Variants in KIAA1671 observed in about 807,000 individuals in gnomAD.
The protein encoded by KIAA1671 is uncharacterized protein KIAA1671.
KIAA1671 carries 52 observed loss-of-function variants against 131.2 expected under a neutral mutation model. The ratio of observed to expected loss-of-function variants is 0.40; its 90% CI spans 0.32 to 0.50. KIAA1671 has a LOEUF of 0.50. Among genes scored for constraint, KIAA1671 ranks in the 20% least tolerant of loss-of-function variants. KIAA1671 has a pLI of 0.73. For missense variants in KIAA1671, 2,360 were observed against 2,364.2 expected (o/e 1.00, Z 0.04); for synonymous variants, 1,003 against 961.6 (o/e 1.04, Z -0.80).
intron 6 of KIAA1671, chr22:25,061,491 C>T (rs1389347414): frequency 6.6e-6 from 1 of 152,254 alleles, no homozygotes; most frequent in Admixed American, 6.5e-5. Context: ...ATGCTTCACA[C>T]TTTATCCTCA....
rs555321285 is a variant in KIAA1671, at chr22:25,134,418, C to A, written c.4531-36402C>A. Among the ~76,000 whole-genome samples the A allele has an allele frequency of 7.8e-4, 118 of 152,226 alleles. 2 individuals carry two copies. The highest frequency in any genetic ancestry group is 3.4e-3 in the Middle Eastern group (1 of 294). On this transcript the variant is annotated intron_variant, in intron 6 of 12. Transcript: ENST00000358431. ...TACCCGAAATCTGATTCTCCCAACA[C>A]TTTTATAGGCATGTGATGCATACGG...
chr22:24,988,755 A>AT (rs1491564011), intron 1 of KIAA1671, among the ~76,000 whole-genome samples: 3 of 140,876 alleles, frequency 2.1e-5, no homozygotes, highest in Non-Finnish European at 4.6e-5. Flanking sequence ...AAAAAAAAAA[A>AT]TGGGTTTGGG....
At chr22:25,169,700 A>G (rs1411586941) in intron 6 of KIAA1671, among the ~76,000 whole-genome samples, 1 of 152,170 alleles carries the variant, frequency 6.6e-6, no homozygotes, top group East Asian at 1.9e-4. Flanking sequence ...TGGCCTTTCC[A>G]CCGTGTGCCA....
At chr22:25,096,009 G>T (rs1283711742) in intron 6 of KIAA1671, among the ~76,000 whole-genome samples, 3 of 152,230 alleles carry the variant, frequency 2.0e-5, no homozygotes, top group African/African-American at 7.2e-5. Context: ...TGGAGCTGCA[G>T]AGCCAGATGT....
intron 6 of KIAA1671, among the ~76,000 whole-genome samples, chr22:25,125,287 A>G (rs928124464): frequency 6.6e-6 from 1 of 152,222 alleles, no homozygotes; most frequent in African/African-American, 2.4e-5. Flanking sequence ...AGCATTGACC[A>G]TGTGCCAGCC....
intron 6 of KIAA1671, chr22:25,070,146 G>T (rs1339681229): frequency 2.6e-6 from 1 of 379,148 alleles, no homozygotes; most frequent in Non-Finnish European, 4.7e-6. Context: ...GAGATGCCCC[G>T]GGCGGGGCTC....
chr22:25,173,337 T>C (rs1933914465), intron 7 of KIAA1671, among the ~76,000 whole-genome samples: 1 of 152,200 alleles, frequency 6.6e-6, no homozygotes, highest in Non-Finnish European at 1.5e-5. Context: ...AGGCTAATCC[T>C]CATAGGATTA....
At chr22:24,980,829 C>T (rs924577277) in intron 1 of KIAA1671, among the ~76,000 whole-genome samples, 1 of 151,948 alleles carries the variant, frequency 6.6e-6, no homozygotes, top group African/African-American at 2.4e-5. Context: ...TCACTGCAAC[C>T]TCCACCTCCG....
chr22:25,149,425 G>A (rs1371884896), intron 6 of KIAA1671, among the ~76,000 whole-genome samples: 1 of 152,150 alleles, frequency 6.6e-6, no homozygotes, highest in African/African-American at 2.4e-5. Context: ...CAGGGAGGAG[G>A]AGAGTGGAAG....
At chr22:25,020,740 AG>A (rs1925619721) in intron 1 of KIAA1671, among the ~76,000 whole-genome samples, 1 of 152,218 alleles carries the variant, frequency 6.6e-6, no homozygotes, top group South Asian at 2.1e-4. Context: ...AGCTAAGGGC[AG>A]TGCAGAGGCA....
chr22:25,062,832 C>CCACCCGT (rs1928240665), intron 6 of KIAA1671: 1 of 130,056 alleles, frequency 7.7e-6, no homozygotes, highest in South Asian at 2.6e-4. Flanking sequence ...CCGCCCCCCG[C>CCACCCGT]CACCCGCCAC....
chr22:24,999,496 G>A (rs1184650390), intron 1 of KIAA1671, among the ~76,000 whole-genome samples: 1 of 151,250 alleles, frequency 6.6e-6, no homozygotes, highest in Non-Finnish European at 1.5e-5. Context: ...CTAAAGTGCT[G>A]GGATTATAGG....
At chr22:25,126,182 C>T (rs1282829965) in intron 6 of KIAA1671, among the ~76,000 whole-genome samples, 1 of 152,216 alleles carries the variant, frequency 6.6e-6, no homozygotes, top group Non-Finnish European at 1.5e-5. Context: ...TCTCCTGGCT[C>T]CATGTCCAAA....
chr22:24,965,068 C>A, intron 1 of KIAA1671, among the ~76,000 whole-genome samples: 1 of 150,170 alleles, frequency 6.7e-6, no homozygotes. Flanking sequence ...ATACAGCAAC[C>A]ATTTATAAAG....
At chr22:25,170,737 G>A in intron 6 of KIAA1671, 83 bp from the exon 7 acceptor site, 1 of 1,364,794 alleles carries the variant, frequency 7.3e-7, no homozygotes, top group South Asian at 1.3e-5. Context: ...TGGGGGCCAT[G>A]CGATCTGATT....
At chr22:25,068,975 A>AC (rs1928658991) in intron 6 of KIAA1671, among the ~76,000 whole-genome samples, 1 of 151,718 alleles carries the variant, frequency 6.6e-6, no homozygotes, top group South Asian at 2.1e-4. Context: ...CCTCAGAAGC[A>AC]CAGCTGTCTT....
intron 1 of KIAA1671, among the ~76,000 whole-genome samples, chr22:24,987,171 A>T (rs13056913): frequency 0.044 from 6,495 of 146,690 alleles, 183 homozygotes; most frequent in East Asian, 0.11. Context: ...TATTATTATT[A>T]TTTTTTTTTT....
chr22:25,001,237 ATGTG>A (rs138205947), intron 1 of KIAA1671, among the ~76,000 whole-genome samples: 9 of 112,674 alleles, frequency 8.0e-5, no homozygotes, highest in Admixed American at 6.3e-4. Context: ...GTGTGTGTAT[ATGTG>A]TGTGTGTGTG....
intron 1 of KIAA1671, among the ~76,000 whole-genome samples, chr22:24,961,336 C>T (rs962596654): frequency 1.3e-5 from 2 of 152,334 alleles, no homozygotes; most frequent in African/African-American, 4.8e-5. Context: ...GACTCTGTCT[C>T]GGAAGATATT....
Sources: gnomAD v4.1 joint callset for allele counts (sites outside exome capture counted in the v4.1 genomes callset) on GRCh38, gnomAD v4.1.1 for gene constraint, MANE v1.5 for transcripts, NCBI Gene and HGNC (gene_info 2026-07-23, HGNC 2026-07-21) for gene names.